The following SLC9C1 variants were observed in gnomAD, a reference collection of about 807,000 sequenced individuals.
SLC9C1 encodes the protein sodium/hydrogen exchanger 10.
In SLC9C1, 97 loss-of-function variants were observed where a neutral mutation model predicts 140.9. The observed-to-expected ratio is 0.69, with a 90% CI of 0.58 to 0.82. The LOEUF is 0.82. Among genes scored for constraint, SLC9C1 ranks in the 40% least tolerant of loss-of-function variants. The probability of loss-of-function intolerance (pLI) is 0.00; values close to 1 mark genes in which losing one functional copy is unlikely to be tolerated. For synonymous variants in SLC9C1, 440 were observed against 442.6 expected, an observed-to-expected ratio of 0.99 and a Z score of 0.07; for missense variants, 1,340 against 1,389.3, an observed-to-expected ratio of 0.96 and a Z score of 0.56.
chr3:112,209,104 A>G (rs1374632773), intron 15 of SLC9C1, among the ~76,000 whole-genome samples: 1 of 152,220 alleles, frequency 6.6e-6, no homozygotes, highest in African/African-American at 2.4e-5. Context: ...CATGATAATG[A>G]TTAATTAATT....
chr3:112,237,703 C>G (rs1265055363), intron 12 of SLC9C1, among the ~76,000 whole-genome samples: 1 of 152,094 alleles, frequency 6.6e-6, no homozygotes, highest in Non-Finnish European at 1.5e-5. Context: ...TTTTATTTCT[C>G]CTTTGCTTAT....
intron 28 of SLC9C1, among the ~76,000 whole-genome samples, chr3:112,144,495 T>C (rs891091126): frequency 6.6e-6 from 1 of 152,116 alleles, no homozygotes; most frequent in Non-Finnish European, 1.5e-5. Context: ...ATTATATTGG[T>C]AATTCAATAA....
At position 112,204,328 on chromosome 3, in the gene SLC9C1, A is replaced by G; in HGVS notation, c.2062T>C (p.Leu688=). Residue 688 remains leucine, a synonymous_variant, in exon 17 of 29, where the codon TTA becomes CTA. Coordinates refer to ENST00000305815, the MANE Select transcript of SLC9C1 (RefSeq NM_183061.3). Reference sequence around the variant, plus strand: ...TCTATTTCAATAAGTATTACATGTAAGATGCCAATTAATGTAATTGCTAAC... The same window carrying G: ...TCTATTTCAATAAGTATTACATGTAGGATGCCAATTAATGTAATTGCTAAC... ...FELAITLIGI[L]HVILIEIDTI... is the part of the protein sequence containing the mutation. 1 of 1,574,508 alleles carries G rather than the reference A, an allele frequency of 6.4e-7. No homozygotes were observed. Among genetic ancestry groups the G allele is most frequent in the Non-Finnish European group, 8.6e-7 (1 of 1,166,272 alleles).
At chr3:112,245,860 A>C (rs1004607360) in intron 10 of SLC9C1, among the ~76,000 whole-genome samples, 1 of 152,176 alleles carries the variant, frequency 6.6e-6, no homozygotes, top group Non-Finnish European at 1.5e-5. Context: ...GTGTCTCAAC[A>C]ATGCCATGTT....
At chr3:112,270,709 G>A (rs1576492219) in intron 6 of SLC9C1, among the ~76,000 whole-genome samples, 2 of 152,248 alleles carry the variant, frequency 1.3e-5, no homozygotes, top group South Asian at 4.2e-4. Context: ...CCGGCTACCT[G>A]GGAGGCTGAG....
At chr3:112,174,130 G>T (rs1316128274) in intron 23 of SLC9C1, among the ~76,000 whole-genome samples, 1 of 152,212 alleles carries the variant, frequency 6.6e-6, no homozygotes, top group East Asian at 1.9e-4. Flanking sequence ...TTTTAATGGG[G>T]TTGTTTGTGT....
chr3:112,223,654 T>TTCC (rs2078602930), intron 13 of SLC9C1, among the ~76,000 whole-genome samples: 1 of 151,494 alleles, frequency 6.6e-6, no homozygotes, highest in Non-Finnish European at 1.5e-5. Context: ...AGAAAGAAAT[T>TTCC]AAACAGCAAG....
chr3:112,233,414 T>C (rs2078889046), intron 12 of SLC9C1, among the ~76,000 whole-genome samples: 1 of 152,194 alleles, frequency 6.6e-6, no homozygotes, highest in African/African-American at 2.4e-5. Context: ...CTCTTTTGAA[T>C]TTAAACATAT....
intron 25 of SLC9C1, 88 bp from the exon 26 acceptor site, chr3:112,167,435 C>G (rs762157733): frequency 3.0e-6 from 4 of 1,343,126 alleles, no homozygotes; most frequent in East Asian, 2.5e-5. Context: ...CTGGCTTTCT[C>G]TAGGTATCTG....
Position 112,169,041 on chromosome 3 carries a change from G to T in SLC9C1, c.3073C>A (p.Leu1025Ile), listed in dbSNP as rs1364792006. ...SYEDWNYNMQ[L>I]KLSNIYVVDI... ...ACTACATAAATATTAGAGAGCTTTA[G>T]TTGCATATTGTAGTTCCAATCCTGT... The change falls in exon 25 of 29, where the codon CTA becomes ATA. Residue 1025 changes from leucine (L) to isoleucine (I), a missense_variant. Transcript: ENST00000305815. The T allele has an allele frequency of 1.3e-6, 2 of 1,593,524 alleles. No homozygotes were observed. Among genetic ancestry groups the T allele is most frequent in the East Asian group, 2.2e-5 (1 of 44,734 alleles).
At chr3:112,175,533 C>A (rs972493281) in intron 23 of SLC9C1, among the ~76,000 whole-genome samples, 1 of 152,122 alleles carries the variant, frequency 6.6e-6, no homozygotes, top group Admixed American at 6.5e-5. Context: ...CTTCAAAGCC[C>A]GAAGGCAAGA....
At chr3:112,242,420 C>T (rs2079160875) in intron 11 of SLC9C1, among the ~76,000 whole-genome samples, 2 of 152,052 alleles carry the variant, frequency 1.3e-5, no homozygotes, top group Non-Finnish European at 2.9e-5. Flanking sequence ...TGAAATAAGC[C>T]AGGCACAGAA....
chr3:112,214,160 T>C (rs539770253), intron 15 of SLC9C1, among the ~76,000 whole-genome samples: 2 of 152,236 alleles, frequency 1.3e-5, no homozygotes, highest in South Asian at 4.1e-4. Context: ...TTGAAACCAA[T>C]AAGAACAAAG....
intron 10 of SLC9C1, among the ~76,000 whole-genome samples, chr3:112,249,273 TCTACCTGGCATCCAAAGGATAAAGC>T (rs1181702777): frequency 6.6e-6 from 1 of 151,672 alleles, no homozygotes; most frequent in Non-Finnish European, 1.5e-5. Context: ...ATGTATTGAA[TCTACCTGGCATCCAAAGGATAAAGC>T]CTACTAGATC....
In SLC9C1 at chr3:112,202,294, T is replaced by C. The variant is rs747271765; in HGVS notation, c.2278A>G (p.Met760Val). 6 of 1,611,564 alleles carry C rather than the reference T, an allele frequency of 3.7e-6. No homozygotes were observed. The highest frequency in any genetic ancestry group is 1.3e-5 in the African/African-American group (1 of 74,828). The change falls in exon 18 of 29, where the codon ATG becomes GTG. Residue 760 changes from methionine (M) to valine (V), a missense_variant. Physicochemically the swap from Met to Val is conservative, Grantham distance 21. Coordinates refer to ENST00000305815, the MANE Select transcript of SLC9C1 (RefSeq NM_183061.3). The part of the protein sequence containing the change: ...KGYVQGEADI[M>V]TIIDQITSSK... Reference sequence around the variant, plus strand: ...CTTGTAATCTGATCAATTATGGTCATTATGTCTGCTTCGCCTTGGACATAG... The same window carrying C: ...CTTGTAATCTGATCAATTATGGTCACTATGTCTGCTTCGCCTTGGACATAG...
intron 23 of SLC9C1, among the ~76,000 whole-genome samples, chr3:112,178,602 T>G (rs1284706831): frequency 6.6e-6 from 1 of 152,194 alleles, no homozygotes; most frequent in Non-Finnish European, 1.5e-5. Context: ...AACTTCAGAT[T>G]TTTTCTTGTG....
intron 20 of SLC9C1, among the ~76,000 whole-genome samples, chr3:112,184,657 TAGAA>T (rs1560040632): frequency 1.3e-5 from 2 of 152,056 alleles, no homozygotes; most frequent in Non-Finnish European, 2.9e-5. Context: ...AACAAAATGT[TAGAA>T]GGAGCAGTGG....
intron 20 of SLC9C1, 42 bp from the exon 21 acceptor site, chr3:112,182,300 G>A (rs779744123): frequency 1.3e-6 from 2 of 1,568,460 alleles, no homozygotes; most frequent in African/African-American, 1.4e-5. Context: ...CCAAACTGCT[G>A]TTCCCAGAAT....
At chr3:112,253,940 A>C (rs558708105) in intron 10 of SLC9C1, among the ~76,000 whole-genome samples, 1 of 152,228 alleles carries the variant, frequency 6.6e-6, no homozygotes, top group Non-Finnish European at 1.5e-5. Flanking sequence ...AAAATTCCAC[A>C]AGGTTATTGC....
Sources: gnomAD v4.1 joint callset for allele counts (sites outside exome capture counted in the v4.1 genomes callset) on GRCh38, gnomAD v4.1.1 for gene constraint, MANE v1.5 for transcripts, NCBI Gene and HGNC (gene_info 2026-07-23, HGNC 2026-07-21) for gene names.